Variants in COG5 observed in about 807,000 individuals in gnomAD.
COG5 encodes component of oligomeric golgi complex 5.
COG5 carries 86 observed loss-of-function variants against 110.4 expected under a neutral mutation model. The observed-to-expected ratio is 0.78, with a 90% CI of 0.65 to 0.93. COG5 has a LOEUF of 0.93. Among genes scored for constraint, COG5 ranks in the 40% least tolerant of loss-of-function variants. The probability of loss-of-function intolerance (pLI) is 0.00; values close to 1 mark genes in which losing one functional copy is unlikely to be tolerated. For missense variants in COG5, 1,077 were observed against 987.0 expected (o/e 1.09, Z -1.22); for synonymous variants, 360 against 334.6 (o/e 1.08, Z -0.83).
intron 7 of COG5, among the ~76,000 whole-genome samples, chr7:107,382,173 G>A (rs1408153502): frequency 1.3e-5 from 2 of 152,094 alleles, no homozygotes; most frequent in African/African-American, 4.8e-5. Flanking sequence ...CCTGACCTGT[G>A]GTCAGTAAAG....
intron 17 of COG5, among the ~76,000 whole-genome samples, chr7:107,242,920 G>A (rs1015228140): frequency 6.6e-6 from 1 of 152,078 alleles, no homozygotes; most frequent in East Asian, 1.9e-4. Context: ...TGCTGCCTCC[G>A]ATTTGGGGAA....
intron 5 of COG5, among the ~76,000 whole-genome samples, chr7:107,536,959 CAG>C (rs1391389207): frequency 6.6e-6 from 1 of 152,116 alleles, no homozygotes; most frequent in Non-Finnish European, 1.5e-5. Context: ...GAACAGGCCT[CAG>C]AAATAACACC....
intron 6 of COG5, among the ~76,000 whole-genome samples, chr7:107,424,570 T>G (rs1793517829): frequency 6.6e-6 from 1 of 151,922 alleles, no homozygotes; most frequent in African/African-American, 2.4e-5. Flanking sequence ...GCTATGGGGT[T>G]TATTCAACCC....
intron 10 of COG5, among the ~76,000 whole-genome samples, chr7:107,329,824 G>A (rs1355789315): frequency 6.6e-6 from 1 of 152,170 alleles, no homozygotes; most frequent in Non-Finnish European, 1.5e-5. Context: ...TAGCTCAGGA[G>A]TTCAAGGCTG....
intron 8 of COG5, among the ~76,000 whole-genome samples, chr7:107,365,596 CAAAAAAAAAAAAAAA>C (rs71134263): frequency 2.7e-5 from 1 of 36,690 alleles, no homozygotes; most frequent in Admixed American, 4.4e-4. Flanking sequence ...TGCAAAATGA[CAAAAAAAAAAAAAAA>C]AAAAAAAAAA....
At chr7:107,486,587 C>T (rs975593761) in intron 6 of COG5, among the ~76,000 whole-genome samples, 8 of 151,734 alleles carry the variant, frequency 5.3e-5, no homozygotes, top group African/African-American at 1.9e-4. Flanking sequence ...AAAAAGAAAA[C>T]ACTAAAAAAA....
chr7:107,531,820 G>A (rs1801232085), intron 5 of COG5, among the ~76,000 whole-genome samples: 1 of 152,034 alleles, frequency 6.6e-6, no homozygotes, highest in African/African-American at 2.4e-5. Flanking sequence ...CACTTTGCCT[G>A]AGACTGAGAA....
At chr7:107,444,049 CAT>C (rs1168565207) in intron 6 of COG5, among the ~76,000 whole-genome samples, 2 of 152,182 alleles carry the variant, frequency 1.3e-5, no homozygotes, top group East Asian at 3.8e-4. Flanking sequence ...AGTTGAAAGA[CAT>C]AGACTTACAC....
chr7:107,520,137 A>G lies in COG5; in HGVS notation c.538+7100T>C, dbSNP rs929908954. ...CTCTCAATAAACTAGGTACTGATGG[A>G]ACATATCTCAAAATAATGAGAGCTA... is the stretch of plus-strand genomic sequence containing the variant. On this transcript the variant is annotated intron_variant, in intron 6 of 21. Transcript: ENST00000297135. Among the ~76,000 whole-genome samples, 11 of 152,210 alleles carry G rather than the reference A, an allele frequency of 7.2e-5. 1 individual carries two copies. Among genetic ancestry groups the G allele is most frequent in the Admixed American group, 6.5e-4 (10 of 15,280 alleles).
At chr7:107,210,129 T>C in intron 21 of COG5, 7 of 1,069,486 alleles carry the variant, frequency 6.5e-6, no homozygotes, top group Non-Finnish European at 6.8e-6. Flanking sequence ...TGTTTCGCAC[T>C]TGGGTATTTT....
chr7:107,311,164 A>C (rs188656651), intron 11 of COG5, among the ~76,000 whole-genome samples: 1 of 152,118 alleles, frequency 6.6e-6, no homozygotes, highest in Non-Finnish European at 1.5e-5. Context: ...GTAGCTGCTT[A>C]TATAATTTTG....
chr7:107,444,705 T>G (rs559550430), intron 6 of COG5, among the ~76,000 whole-genome samples: 142 of 152,184 alleles, frequency 9.3e-4, no homozygotes, highest in Non-Finnish European at 7.2e-4. Flanking sequence ...GAGCAAGGAC[T>G]ATGCCTCTCC....
At chr7:107,287,786 T>A (rs1489881347) in intron 12 of COG5, among the ~76,000 whole-genome samples, 1 of 152,198 alleles carries the variant, frequency 6.6e-6, no homozygotes, top group Non-Finnish European at 1.5e-5. Context: ...TCACTTAGTA[T>A]AATGTTTTCA....
At chr7:107,552,309 G>A (rs1336760435) in intron 3 of COG5, among the ~76,000 whole-genome samples, 1 of 152,110 alleles carries the variant, frequency 6.6e-6, no homozygotes, top group Non-Finnish European at 1.5e-5. Flanking sequence ...GTGAGCTTCT[G>A]CACAGCCAAA....
intron 21 of COG5, among the ~76,000 whole-genome samples, chr7:107,205,135 G>C (rs1413643824): frequency 1.3e-5 from 2 of 152,166 alleles, no homozygotes; most frequent in African/African-American, 2.4e-5. Flanking sequence ...GTTCTGGTCA[G>C]TCTTCCATAT....
intron 21 of COG5, among the ~76,000 whole-genome samples, chr7:107,204,466 T>C (rs1205166771): frequency 1.3e-5 from 2 of 152,214 alleles, no homozygotes; most frequent in African/African-American, 4.8e-5. Flanking sequence ...GATTAATTTT[T>C]AATTATTGGT....
At chr7:107,336,354 T>C (rs1025592535) in intron 10 of COG5, among the ~76,000 whole-genome samples, 3 of 152,052 alleles carry the variant, frequency 2.0e-5, no homozygotes, top group African/African-American at 2.4e-5. Flanking sequence ...CTCATGAAGA[T>C]AGTGAGTAGA....
intron 8 of COG5, 104 bp downstream of exon 8, chr7:107,372,491 A>C (rs1472887438): frequency 1.8e-6 from 2 of 1,092,198 alleles, no homozygotes; most frequent in Admixed American, 4.0e-5. Context: ...TCTACTAAAA[A>C]ATGAGTCATT....
intron 16 of COG5, among the ~76,000 whole-genome samples, chr7:107,252,433 C>T (rs1236358249): frequency 6.6e-6 from 1 of 151,644 alleles, no homozygotes; most frequent in Admixed American, 6.6e-5. Context: ...AACTACAGAC[C>T]CAGATAGCTT....
Sources: allele counts gnomAD v4.1 joint callset (sites outside exome capture counted in the v4.1 genomes callset), GRCh38; gene constraint gnomAD v4.1.1; transcripts MANE v1.5; gene names NCBI Gene and HGNC (gene_info 2026-07-23, HGNC 2026-07-21).